Variants in CDH12 observed in about 807,000 individuals in gnomAD.
CDH12 encodes the protein cadherin 12.
CDH12 carries 41 observed loss-of-function variants against 74.1 expected under a neutral mutation model. That is an observed-to-expected ratio of 0.55 (90% CI 0.43 to 0.72). CDH12 has a LOEUF of 0.72. Ranked by LOEUF, CDH12 falls within the 30% of genes least tolerant of loss-of-function variation. The probability of loss-of-function intolerance (pLI) is 0.00; values close to 1 mark genes in which losing one functional copy is unlikely to be tolerated. For synonymous variants in CDH12, 399 were observed against 355.0 expected (o/e 1.12, Z -1.39); for missense variants, 945 against 977.2 (o/e 0.97, Z 0.44).
chr5:21,806,900 A>G (rs759635668), intron 9 of CDH12, among the ~76,000 whole-genome samples: 2 of 152,156 alleles, frequency 1.3e-5, no homozygotes, highest in Non-Finnish European at 2.9e-5. Flanking sequence ...CCTCCCTATA[A>G]CTGATGCCCT....
intron 1 of CDH12, among the ~76,000 whole-genome samples, chr5:22,552,701 A>G (rs1561486201): frequency 6.6e-6 from 1 of 152,234 alleles, no homozygotes; most frequent in East Asian, 1.9e-4. Flanking sequence ...TGCTGGGATT[A>G]CAGGTGTGAG....
chr5:21,932,925 A>G (rs561751772), intron 6 of CDH12, among the ~76,000 whole-genome samples: 1 of 150,640 alleles, frequency 6.6e-6, no homozygotes, highest in East Asian at 1.9e-4. Context: ...TCTAATTCCA[A>G]AGTAAAATAT....
chr5:22,081,102 T>G (rs570797220), intron 4 of CDH12, among the ~76,000 whole-genome samples: 1 of 152,250 alleles, frequency 6.6e-6, no homozygotes, highest in Admixed American at 6.5e-5. Flanking sequence ...TTAATGTGCT[T>G]ACTAGAAAAT....
At chr5:22,217,698 T>A (rs1056810204) in intron 3 of CDH12, among the ~76,000 whole-genome samples, 6 of 151,804 alleles carry the variant, frequency 4.0e-5, no homozygotes, top group Non-Finnish European at 8.9e-5. Context: ...ACTAGAGTTA[T>A]ACATATAAAA....
chr5:22,670,273 C>T (rs563365017), intron 1 of CDH12, among the ~76,000 whole-genome samples: 2 of 152,286 alleles, frequency 1.3e-5, no homozygotes, highest in South Asian at 2.1e-4. Flanking sequence ...ACTACCTCAG[C>T]CTCCCAAAGC....
At chr5:22,224,876 A>C (rs575013536) in intron 3 of CDH12, among the ~76,000 whole-genome samples, 1 of 151,926 alleles carries the variant, frequency 6.6e-6, no homozygotes, top group African/African-American at 2.4e-5. Flanking sequence ...AACATATTAT[A>C]TATTAAAAAA....
chr5:21,842,146 G>T lies in CDH12; in HGVS notation c.814+15C>A, dbSNP rs1579815637. On this transcript the variant is annotated intron_variant, in intron 8 of 14. Coordinates refer to ENST00000382254, the MANE Select transcript of CDH12 (RefSeq NM_004061.5). ...AAACCGCAATAATTTAGGCTTAACA[G>T]GAAAGGTGACATACTTTTGGGGAAT... 1.3e-6 allele frequency: 2 copies of T among 1,595,700 alleles called. No homozygotes were observed. The highest frequency in any genetic ancestry group is 1.3e-5 in the African/African-American group (1 of 74,302).
intron 5 of CDH12, among the ~76,000 whole-genome samples, chr5:22,039,345 AG>A (rs771966553): frequency 6.6e-6 from 1 of 152,044 alleles, no homozygotes; most frequent in African/African-American, 2.4e-5. Flanking sequence ...CTAAGCTACT[AG>A]GGGGTGCCTC....
intron 1 of CDH12, among the ~76,000 whole-genome samples, chr5:22,508,868 C>A (rs554606735): frequency 6.6e-6 from 1 of 152,104 alleles, no homozygotes; most frequent in African/African-American, 2.4e-5. Flanking sequence ...AGCTGTACCC[C>A]GACAACCTTG....
intron 10 of CDH12, among the ~76,000 whole-genome samples, chr5:21,787,898 ACTT>A (rs1348562413): frequency 1.3e-5 from 2 of 152,192 alleles, no homozygotes; most frequent in African/African-American, 4.8e-5. Context: ...TTCTCAAAAT[ACTT>A]CTTTATAGCA....
At chr5:22,099,757 C>A (rs1012983876) in intron 4 of CDH12, among the ~76,000 whole-genome samples, 1 of 152,184 alleles carries the variant, frequency 6.6e-6, no homozygotes, top group African/African-American at 2.4e-5. Context: ...TCTTTGCTGG[C>A]AGAACTATGC....
intron 4 of CDH12, among the ~76,000 whole-genome samples, chr5:22,137,105 A>C (rs1298834491): frequency 6.6e-6 from 1 of 151,768 alleles, no homozygotes. Context: ...ATGATTTACA[A>C]AGCACAGTTT....
At chr5:22,534,063 C>T (rs1737713774) in intron 1 of CDH12, among the ~76,000 whole-genome samples, 1 of 152,078 alleles carries the variant, frequency 6.6e-6, no homozygotes, top group African/African-American at 2.4e-5. Flanking sequence ...CTAAAATGTG[C>T]TATAAATTAC....
intron 3 of CDH12, among the ~76,000 whole-genome samples, chr5:22,401,182 G>GT (rs146857444): frequency 6.6e-6 from 1 of 152,060 alleles, no homozygotes; most frequent in East Asian, 1.9e-4. Flanking sequence ...ACCATTGGAA[G>GT]TTTTTTCCTG....
At chr5:22,314,939 G>GTTTT (rs1340897012) in intron 3 of CDH12, among the ~76,000 whole-genome samples, 22 of 73,598 alleles carry the variant, frequency 3.0e-4, no homozygotes, top group Admixed American at 8.4e-4. Context: ...CCCTGGGTTG[G>GTTTT]TCTTTTTTTT....
chr5:22,436,281 AG>A (rs1744385657), intron 2 of CDH12, among the ~76,000 whole-genome samples: 2 of 630 alleles, frequency 3.2e-3, no homozygotes, highest in Non-Finnish European at 0.01. Context: ...GGGTAGGGGG[AG>A]GGGGGAGGGG....
chr5:22,106,728 A>G (rs1744465659), intron 4 of CDH12, among the ~76,000 whole-genome samples: 1 of 152,202 alleles, frequency 6.6e-6, no homozygotes, highest in African/African-American at 2.4e-5. Context: ...TTCAGAAAAG[A>G]ATATCCCTCC....
intron 4 of CDH12, chr5:22,152,280 G>A (rs556920253): frequency 2.6e-5 from 4 of 152,000 alleles, no homozygotes; most frequent in Admixed American, 2.6e-4. Flanking sequence ...AAACTAAAAC[G>A]ACTTATTATT....
intron 3 of CDH12, among the ~76,000 whole-genome samples, chr5:22,300,040 T>A (rs1737806031): frequency 6.6e-6 from 1 of 152,212 alleles, no homozygotes. Flanking sequence ...AATGAATATG[T>A]ATTTATTTAA....
Sources: allele counts gnomAD v4.1 joint callset (sites outside exome capture counted in the v4.1 genomes callset), GRCh38; gene constraint gnomAD v4.1.1; transcripts MANE v1.5; gene names NCBI Gene and HGNC (gene_info 2026-07-23, HGNC 2026-07-21).